FGFBP3: variants seen among roughly 807,000 people sequenced by gnomAD.
FGFBP3 encodes fibroblast growth factor binding protein 3.
In FGFBP3, 4 loss-of-function variants were observed where a neutral mutation model predicts 4.8. That is an observed-to-expected ratio of 0.83 (90% CI 0.41 to 1.90). The LOEUF is 1.90. FGFBP3 is among the 40% of genes most tolerant of loss of function. The probability of loss-of-function intolerance (pLI) is 0.03; values close to 1 mark genes in which losing one functional copy is unlikely to be tolerated. For missense variants in FGFBP3, 429 were observed against 397.4 expected (o/e 1.08, Z -0.68); for synonymous variants, 215 against 190.0 (o/e 1.13, Z -1.08).
rs758787158 is a variant in FGFBP3 at position 91,908,703 on chromosome 10, C to T, written c.267G>A (p.Gln89=). 65 of 1,397,934 alleles carry T rather than the reference C, an allele frequency of 4.6e-5. No homozygotes were observed. Among genetic ancestry groups the T allele is most frequent in the South Asian group, 2.5e-4 (16 of 64,020 alleles). The allele number at this position is 1,397,934 out of a possible 1,614,324, so 86.6% of individuals were successfully genotyped here. ...GCTCCGGATGCCCGCGGTAGGCGCA[C>T]TGGTGGCGCGCCCCGTCCGGGCTCT... ...RCQSPDGARH[Q]CAYRGHPERC... Residue 89 remains glutamine, a synonymous_variant, in exon 2 of 2, where the codon CAG becomes CAA. Coordinates refer to ENST00000311575, the MANE Select transcript of FGFBP3 (RefSeq NM_152429.5).
Position 91,907,844 on chromosome 10 carries a change from T to G in FGFBP3, c.*349A>C. ...CTCCCCACATGGGACTCACATCACTTTAGTCACTCTATCTCCCCCTTATTC... is the reference window on the plus strand; with the variant it reads ...CTCCCCACATGGGACTCACATCACTGTAGTCACTCTATCTCCCCCTTATTC... On this transcript the variant is annotated 3_prime_UTR_variant, in exon 2 of 2. Coordinates refer to ENST00000311575, the MANE Select transcript of FGFBP3 (RefSeq NM_152429.5). 3.6e-5 allele frequency: 8 copies of G among 224,688 alleles called. No homozygotes were observed. The highest frequency in any genetic ancestry group is 6.9e-5 in the Non-Finnish European group (8 of 116,444). The allele number at this position is 224,688 out of a possible 1,614,324, so 13.9% of individuals were successfully genotyped here.
chr10:91,909,237 ATT>A (rs1310385564), intron 1 of FGFBP3, 159 bp downstream of exon 1: 2 of 473,064 alleles, frequency 4.2e-6, no homozygotes, highest in Non-Finnish European at 7.4e-6. Context: ...ATGCATTGAG[ATT>A]TTCTTCCCCT....
rs1360146189 is a variant in FGFBP3, at chr10:91,906,702, A to G, written c.*1491T>C. ...ATGGATGGGAGGAAGGTGGGGAGGA[A>G]GGGAAAAAGAAAGAGAACCAGGGTG... On this transcript the variant is annotated 3_prime_UTR_variant, in exon 2 of 2. Transcript: ENST00000311575. 6.6e-6 allele frequency: 1 copy of G among 152,218 alleles called. No homozygotes were observed. The highest frequency in any genetic ancestry group is 2.4e-5 in the African/African-American group (1 of 41,450). 9.4% of individuals were successfully genotyped at this position (152,218 alleles called of 1,614,324 possible). A position where few individuals can be genotyped will look rare whatever the true frequency, so the allele number is the denominator to read the frequency against.
Position 91,908,295 on chromosome 10 carries a change from G to C in FGFBP3, c.675C>G (p.Pro225=). The C allele has an allele frequency of 6.2e-7, 1 of 1,603,700 alleles. No individual in the cohort carries two copies. The part of the protein sequence containing the change: ...PNEERPMGTG[P]DPDGLDGNAE... ...CGTTCCCGTCCAGCCCGTCGGGGTC[G>C]GGCCCGGTCCCCATGGGTCGCTCCT... The change falls in exon 2 of 2, where the codon CCC becomes CCG. Residue 225 remains proline, a synonymous_variant. Transcript: ENST00000311575.
Position 91,908,140 on chromosome 10 carries a change from CT to C in FGFBP3, c.*52del. On this transcript the variant is annotated 3_prime_UTR_variant, in exon 2 of 2. Coordinates refer to ENST00000311575, the MANE Select transcript of FGFBP3 (RefSeq NM_152429.5). ...ACCCCCCGGTCTAAGACGCCCTTAGCTTTCCCTTCCCCACGCCTCCCCCATC... is the reference window on the plus strand; with the variant it reads ...ACCCCCCGGTCTAAGACGCCCTTAGCTTCCCTTCCCCACGCCTCCCCCATC... 6.4e-7 allele frequency: 1 copy of C among 1,571,656 alleles called. No homozygotes were observed. Among genetic ancestry groups the C allele is most frequent in the Non-Finnish European group, 8.6e-7 (1 of 1,164,408 alleles).
rs1744340391 is a variant in FGFBP3 at position 91,908,149 on chromosome 10, C to A, written c.*44G>T. 1 of 1,578,336 alleles carries A rather than the reference C, an allele frequency of 6.3e-7. No homozygotes were observed. The highest frequency in any genetic ancestry group is 8.6e-7 in the Non-Finnish European group (1 of 1,166,456). On this transcript the variant is annotated 3_prime_UTR_variant, in exon 2 of 2. Coordinates refer to ENST00000311575, the MANE Select transcript of FGFBP3 (RefSeq NM_152429.5). ...TCTAAGACGCCCTTAGCTTTCCCTT[C>A]CCCACGCCTCCCCCATCAACCCTCC...
At position 91,908,941 on chromosome 10, in the gene FGFBP3, A is replaced by G. The variant is rs760394396; in HGVS notation, c.29T>C (p.Leu10Pro). The change falls in exon 2 of 2, where the codon CTG becomes CCG. Residue 10 changes from leucine (L) to proline (P), a missense_variant. By Grantham distance (98) the Leu-to-Pro change is moderately conservative. Transcript: ENST00000311575. ...CAGCAGCAGCAGCAGCGACGGCGACAGCGACGCTCGCAGCTTCGGAGGAGT... is the reference window on the plus strand; with the variant it reads ...CAGCAGCAGCAGCAGCGACGGCGACGGCGACGCTCGCAGCTTCGGAGGAGT... MTPPKLRAS[L>P]SPSLLLLLSG... 6.2e-7 allele frequency: 1 copy of G among 1,605,108 alleles called. No individual in the cohort carries two copies. Among genetic ancestry groups the G allele is most frequent in the East Asian group, 2.3e-5 (1 of 44,296 alleles).
In FGFBP3 at chr10:91,907,705, T is replaced by G. The variant is rs1246597524; in HGVS notation, c.*488A>C. ...TACCAATTCAGAAACGGAAAAAAAGTCTGCAGTCTTGTTAGCTGATTAAGT... is the reference window on the plus strand; with the variant it reads ...TACCAATTCAGAAACGGAAAAAAAGGCTGCAGTCTTGTTAGCTGATTAAGT... On this transcript the variant is annotated 3_prime_UTR_variant, in exon 2 of 2. Transcript: ENST00000311575. 1 of 153,620 alleles carries G rather than the reference T, an allele frequency of 6.5e-6. No individual in the cohort carries two copies. The highest frequency in any genetic ancestry group is 2.4e-5 in the African/African-American group (1 of 41,472). The allele number at this position is 153,620 out of a possible 1,614,324, so 9.5% of individuals were successfully genotyped here. A position where few individuals can be genotyped will look rare whatever the true frequency, so the allele number is the denominator to read the frequency against.
intron 1 of FGFBP3, 31 bp from the exon 2 acceptor site, chr10:91,909,078 TGA>T: frequency 8.0e-7 from 1 of 1,252,818 alleles, no homozygotes; most frequent in Non-Finnish European, 1.1e-6. Flanking sequence ...TGCCACCAAC[TGA>T]GCCACACGCA....
chr10:91,909,185 G>A (rs1357856707), intron 1 of FGFBP3, 138 bp from the exon 2 acceptor site: 1 of 538,100 alleles, frequency 1.9e-6, no homozygotes, highest in Non-Finnish European at 3.2e-6. Flanking sequence ...AGCTTTCCTG[G>A]GGAAACTGCT....
Position 91,908,298 on chromosome 10 carries a change from C to T in FGFBP3, c.672G>A (p.Gly224=), listed in dbSNP as rs756988127. 5 of 1,603,446 alleles carry T rather than the reference C, an allele frequency of 3.1e-6. No homozygotes were observed. The Admixed American group carries it at 8.5e-5, about 27-fold the overall frequency. ...TCCCGTCCAGCCCGTCGGGGTCGGGCCCGGTCCCCATGGGTCGCTCCTCGT... is the reference window on the plus strand; with the variant it reads ...TCCCGTCCAGCCCGTCGGGGTCGGGTCCGGTCCCCATGGGTCGCTCCTCGT... ...VPNEERPMGT[G]PDPDGLDGNA... is the part of the protein sequence containing the mutation. Residue 224 remains glycine, a synonymous_variant, in exon 2 of 2, where the codon GGG becomes GGA. Transcript: ENST00000311575.
In FGFBP3 at chr10:91,908,950, C is replaced by A. The variant is rs766847271; in HGVS notation, c.20G>T (p.Arg7Leu). MTPPKL[R>L]ASLSPSLLLL... ...CAGCAGCGACGGCGACAGCGACGCTCGCAGCTTCGGAGGAGTCATGCTCCG... is the reference window on the plus strand; with the variant it reads ...CAGCAGCGACGGCGACAGCGACGCTAGCAGCTTCGGAGGAGTCATGCTCCG... The change falls in exon 2 of 2, where the codon CGA becomes CTA. Residue 7 changes from arginine (R) to leucine (L), a missense_variant. Physicochemically the swap from Arg to Leu is moderately radical, Grantham distance 102. Transcript: ENST00000311575. The A allele has an allele frequency of 2.5e-6, 4 of 1,592,558 alleles. No homozygotes were observed. The highest frequency in any genetic ancestry group is 3.4e-6 in the Non-Finnish European group (4 of 1,171,214).
rs1466926179 is a variant in FGFBP3 at position 91,908,230 on chromosome 10, G to A, written c.740C>T (p.Ser247Phe). The change falls in exon 2 of 2, where the codon TCC becomes TTC. Residue 247 changes from serine to phenylalanine, a missense_variant. Physicochemically the swap from Ser to Phe is radical, Grantham distance 155. Coordinates refer to ENST00000311575, the MANE Select transcript of FGFBP3 (RefSeq NM_152429.5). ...TETYCAEKWH[S>F]LCNFFVNFWN... ...GAAATTGACAAAGAAGTTGCAGAGG[G>A]AGTGCCACTTCTCAGCGCAGTAGGT... is the stretch of plus-strand genomic sequence containing the variant. 6.8e-6 allele frequency: 11 copies of A among 1,606,102 alleles called. No homozygotes were observed. Among genetic ancestry groups the A allele is most frequent in the African/African-American group, 2.7e-5 (2 of 74,402 alleles).
Position 91,908,964 on chromosome 10 carries a change from A to G in FGFBP3, c.6T>C (p.Thr2=). 6.3e-7 allele frequency: 1 copy of G among 1,580,614 alleles called. No individual in the cohort carries two copies. The highest frequency in any genetic ancestry group is 8.6e-7 in the Non-Finnish European group (1 of 1,165,794). ...ACAGCGACGCTCGCAGCTTCGGAGGAGTCATGCTCCGCGGTTTCCGCGCTC... is the reference window on the plus strand; with the variant it reads ...ACAGCGACGCTCGCAGCTTCGGAGGGGTCATGCTCCGCGGTTTCCGCGCTC... M[T]PPKLRASLSP... The change falls in exon 2 of 2, where the codon ACT becomes ACC. Residue 2 remains threonine (T), a synonymous_variant. Transcript: ENST00000311575.
chr10:91,908,752 C>A lies in FGFBP3; in HGVS notation c.218G>T (p.Gly73Val). 1 of 1,385,906 alleles carries A rather than the reference C, an allele frequency of 7.2e-7. No individual in the cohort carries two copies. Among genetic ancestry groups the A allele is most frequent in the Non-Finnish European group, 9.2e-7 (1 of 1,081,498 alleles). 85.9% of individuals were successfully genotyped at this position (1,385,906 alleles called of 1,614,324 possible). ...CTGGCAGCGCAGCGCCAGCTCGCTGCCCGCTGCGGCCTCCGGGGCGGGCAG... is the reference window on the plus strand; with the variant it reads ...CTGGCAGCGCAGCGCCAGCTCGCTGACCGCTGCGGCCTCCGGGGCGGGCAG... ...LLLPAPEAAAGSELALRCQSP... is the reference protein window; with the variant it reads ...LLLPAPEAAAVSELALRCQSP... Residue 73 changes from glycine (G) to valine (V), a missense_variant, in exon 2 of 2, where the codon GGC (glycine) becomes GTC (valine). Gly to Val is a moderately radical substitution (Grantham distance 109, BLOSUM62 -3). Transcript: ENST00000311575.
In FGFBP3 at chr10:91,908,700, G is replaced by T; in HGVS notation, c.270C>A (p.Cys90Ter). 7.1e-7 allele frequency: 1 copy of T among 1,401,152 alleles called. No individual in the cohort carries two copies. Among genetic ancestry groups the T allele is most frequent in the Non-Finnish European group, 9.2e-7 (1 of 1,083,604 alleles). 86.8% of individuals were successfully genotyped at this position (1,401,152 alleles called of 1,614,324 possible). A position where few individuals can be genotyped will look rare whatever the true frequency, so the allele number is the denominator to read the frequency against. ...AGCGCTCCGGATGCCCGCGGTAGGC[G>T]CACTGGTGGCGCGCCCCGTCCGGGC... Reference protein sequence around the residue: ...CQSPDGARHQCAYRGHPERCA... With the variant: ...CQSPDGARHQ Residue 90 changes from cysteine (C) to a stop codon, truncating the protein, a stop_gained, in exon 2 of 2, where the codon TGC becomes TGA. Transcript: ENST00000311575. LOFTEE classifies it low-confidence loss of function (END_TRUNC).
In FGFBP3 at chr10:91,908,912, C is replaced by T; in HGVS notation, c.58G>A (p.Gly20Ser). The T allele has an allele frequency of 6.2e-7, 1 of 1,604,388 alleles. No homozygotes were observed. The highest frequency in any genetic ancestry group is 1.1e-5 in the South Asian group (1 of 89,874). Reference sequence around the variant, plus strand: ...CTCCGAGCAGCCGCGAGGAGGCAACCACTCAGCAGCAGCAGCAGCGACGGC... The same window carrying T: ...CTCCGAGCAGCCGCGAGGAGGCAACTACTCAGCAGCAGCAGCAGCGACGGC... ...LSPSLLLLLS[G>S]CLLAAARREK... Residue 20 changes from glycine to serine, a missense_variant, in exon 2 of 2, where the codon GGT (glycine) becomes AGT (serine). Physicochemically the swap from Gly to Ser is moderately conservative, Grantham distance 56. Coordinates refer to ENST00000311575, the MANE Select transcript of FGFBP3 (RefSeq NM_152429.5).
chr10:91,907,380 G>T lies in FGFBP3; in HGVS notation c.*813C>A, dbSNP rs1042306905. On this transcript the variant is annotated 3_prime_UTR_variant, in exon 2 of 2. Coordinates refer to ENST00000311575, the MANE Select transcript of FGFBP3 (RefSeq NM_152429.5). The stretch of plus-strand genomic sequence containing the variant: ...TAGCACTTCTAAGCCAAGTGCAGCT[G>T]TGCATGCTTGTAGTCCCAGCTACTC... 4 of 152,278 alleles carry T rather than the reference G, an allele frequency of 2.6e-5. No individual in the cohort carries two copies. Among genetic ancestry groups the T allele is most frequent in the African/African-American group, 9.6e-5 (4 of 41,530 alleles). 9.4% of individuals were successfully genotyped at this position (152,278 alleles called of 1,614,324 possible).
Position 91,908,526 on chromosome 10 carries a change from C to T in FGFBP3, c.444G>A (p.Val148=). The change falls in exon 2 of 2, where the codon GTG becomes GTA. Residue 148 remains valine, a synonymous_variant. Transcript: ENST00000311575. ...GGCGTGCGGGCGGGGACGCGCGGGGCACTAGCCGCAGCTCGGCGCCGTGGC... is the reference window on the plus strand; with the variant it reads ...GGCGTGCGGGCGGGGACGCGCGGGGTACTAGCCGCAGCTCGGCGCCGTGGC... The part of the protein sequence containing the change: ...KKGHGAELRL[V]PRASPPARPT... 5 of 1,376,306 alleles carry T rather than the reference C, an allele frequency of 3.6e-6. No individual in the cohort carries two copies. The highest frequency in any genetic ancestry group is 1.7e-5 in the South Asian group (1 of 58,798). 85.3% of individuals were successfully genotyped at this position (1,376,306 alleles called of 1,614,324 possible).
Sources: allele counts gnomAD v4.1 joint callset, GRCh38; gene constraint gnomAD v4.1.1; transcripts MANE v1.5; gene names NCBI Gene and HGNC (gene_info 2026-07-23, HGNC 2026-07-21).